PREP: variants seen among roughly 807,000 people sequenced by gnomAD.
The protein encoded by PREP is prolyl endopeptidase, also known as dJ355L5.1 (prolyl endopeptidase).
Under a neutral mutation model 87.6 loss-of-function variants are expected in PREP, and 29 were observed. The observed-to-expected ratio is 0.33, with a 90% CI of 0.25 to 0.45. The LOEUF (loss-of-function observed/expected upper bound fraction) is 0.45, where lower values mean the gene tolerates loss of function less well. Among genes scored for constraint, PREP ranks in the 20% least tolerant of loss-of-function variants. The pLI is 1.00. For synonymous variants in PREP, 337 were observed against 328.6 expected (o/e 1.03, Z -0.28); for missense variants, 695 against 886.5 (o/e 0.78, Z 2.74).
At chr6:105,280,928 A>G (rs1562184850) in intron 14 of PREP, 1 of 152,206 alleles carries the variant, frequency 6.6e-6, no homozygotes, top group Non-Finnish European at 1.5e-5. Context: ...CTTAATTTAG[A>G]AAAGGAAATC....
chr6:105,307,778 A>G (rs1206783732), intron 10 of PREP, among the ~76,000 whole-genome samples: 2 of 152,120 alleles, frequency 1.3e-5, no homozygotes, highest in Non-Finnish European at 2.9e-5. Context: ...ATGCCCAGCT[A>G]ATTTTTGTAT....
intron 2 of PREP, among the ~76,000 whole-genome samples, chr6:105,378,403 T>C (rs888430433): frequency 8.5e-5 from 13 of 152,224 alleles, no homozygotes; most frequent in African/African-American, 3.1e-4. Flanking sequence ...GAGGTTGCAG[T>C]GAGCCAAGAT....
chr6:105,383,944 C>T (rs1354083020), intron 2 of PREP, among the ~76,000 whole-genome samples: 1 of 152,174 alleles, frequency 6.6e-6, no homozygotes, highest in African/African-American at 2.4e-5. Context: ...CATATCCTCC[C>T]TCTCCTGAAT....
chr6:105,308,033 C>T (rs1417885430), intron 10 of PREP, among the ~76,000 whole-genome samples: 1 of 152,070 alleles, frequency 6.6e-6, no homozygotes, highest in African/African-American at 2.4e-5. Context: ...CTTTATGGGG[C>T]ACGGTGACTT....
chr6:105,285,557 C>T lies in PREP; in HGVS notation c.1478G>A (p.Arg493Lys), dbSNP rs1490501804. The T allele has an allele frequency of 1.9e-6, 3 of 1,614,100 alleles. No homozygotes were observed. The highest frequency in any genetic ancestry group is 2.5e-6 in the Non-Finnish European group (3 of 1,179,976). ...CACTGCCAGGATACCACCCATGTGT[C>T]TCACAAAAATAAGCCTGGAAACACT... is the stretch of plus-strand genomic sequence containing the variant. ...NYSVSRLIFV[R>K]HMGGILAVAN... Residue 493 changes from arginine to lysine, a missense_variant, in exon 12 of 15, where the codon AGA (arginine) becomes AAA (lysine). By Grantham distance (26) the Arg-to-Lys change is conservative. Around this residue, in one of 5 missense-constraint regions of PREP, gnomAD observed 517 missense variants for 620.3 expected, o/e 0.83. Transcript: ENST00000652536.
At chr6:105,295,562 C>G (rs529002212) in intron 10 of PREP, among the ~76,000 whole-genome samples, 2 of 152,056 alleles carry the variant, frequency 1.3e-5, no homozygotes, top group South Asian at 4.2e-4. Flanking sequence ...CCTATCCCCA[C>G]CCCTGCTCTT....
rs1203841262 is a variant in PREP, at chr6:105,402,847, G to A, written c.45C>T (p.Ala15=). ...QYPDVYRDET[A]VQDYHGHKIC... ...TCTGGGCGGAGGCAGAGATACTTAC[G>A]GCGGTCTCGTCGCGGTACACGTCGG... Residue 15 remains alanine (A), a splice_region_variant and synonymous_variant, in exon 1 of 15, where the codon GCC becomes GCT. Coordinates refer to ENST00000652536, the MANE Select transcript of PREP (RefSeq NM_002726.5). 3 of 1,544,868 alleles carry A rather than the reference G, an allele frequency of 1.9e-6. No individual in the cohort carries two copies. Among genetic ancestry groups the A allele is most frequent in the Non-Finnish European group, 1.7e-6 (2 of 1,143,668 alleles).
rs563972846 is a variant in PREP, at chr6:105,322,891, T to C, written c.1317+774A>G. The C allele has an allele frequency of 1.7e-5, 20 of 1,182,326 alleles. No individual in the cohort carries two copies. In the African/African-American group the frequency reaches 2.7e-4, roughly 16 times the overall value. The allele number at this position is 1,182,326 out of a possible 1,614,324, so 73.2% of individuals were successfully genotyped here. ...TAATGCCCTAGTTTCACAGAAACATTGTGGGGAACATCCAGCGCTCTTTAT... is the reference window on the plus strand; with the variant it reads ...TAATGCCCTAGTTTCACAGAAACATCGTGGGGAACATCCAGCGCTCTTTAT... On this transcript the variant is annotated intron_variant, in intron 10 of 14. Coordinates refer to ENST00000652536, the MANE Select transcript of PREP (RefSeq NM_002726.5).
chr6:105,285,652 A>C, intron 11 of PREP, 72 bp from the exon 12 acceptor site: 3 of 1,230,670 alleles, frequency 2.4e-6, no homozygotes, highest in Non-Finnish European at 3.6e-6. Context: ...TCTCCATCTC[A>C]AAAAAGTGTA....
rs76150446 is a variant in PREP, at chr6:105,369,438, A to G, written c.596-414T>C. Among the ~76,000 whole-genome samples, 215 of 152,384 alleles carry G rather than the reference A, an allele frequency of 1.4e-3. 1 individual carries two copies. Among genetic ancestry groups the G allele is most frequent in the African/African-American group, 4.7e-3 (194 of 41,588 alleles). On this transcript the variant is annotated intron_variant, in intron 5 of 14. Transcript: ENST00000652536. Reference sequence around the variant, plus strand: ...ATCCCAAACAAAATCCCAGAAACATATTTTGTGGATTGACAAACTGATTCT... The same window carrying G: ...ATCCCAAACAAAATCCCAGAAACATGTTTTGTGGATTGACAAACTGATTCT...
intron 10 of PREP, among the ~76,000 whole-genome samples, chr6:105,307,201 T>C (rs1770674223): frequency 6.6e-6 from 1 of 152,230 alleles, no homozygotes; most frequent in South Asian, 2.1e-4. Flanking sequence ...TCTAATATCA[T>C]GTTTTTAAAA....
At chr6:105,393,572 C>CA (rs1260009361) in intron 2 of PREP, among the ~76,000 whole-genome samples, 1 of 152,092 alleles carries the variant, frequency 6.6e-6, no homozygotes, top group Non-Finnish European at 1.5e-5. Flanking sequence ...TGTAAAGAAA[C>CA]AGAGGAGCAG....
intron 7 of PREP, among the ~76,000 whole-genome samples, chr6:105,351,488 G>C (rs1259291854): frequency 6.6e-6 from 1 of 152,162 alleles, no homozygotes; most frequent in African/African-American, 2.4e-5. Context: ...CTGGGTTGCA[G>C]GGGAAAGATA....
chr6:105,276,353 A>G lies in PREP; in HGVS notation c.*1791T>C, dbSNP rs183245892. ...GATATCTGAAGCTCACACACTACAC[A>G]CTGTATTTTCTGCTGTAAAGCAGAC... On this transcript the variant is annotated 3_prime_UTR_variant, in exon 15 of 15. Transcript: ENST00000652536. Among the ~76,000 whole-genome samples the G allele has an allele frequency of 2.0e-5, 3 of 150,292 alleles. No individual in the cohort carries two copies. The East Asian group carries it at 5.8e-4, about 29-fold the overall frequency.
At chr6:105,356,250 T>C (rs933247841) in intron 6 of PREP, among the ~76,000 whole-genome samples, 2 of 152,196 alleles carry the variant, frequency 1.3e-5, no homozygotes, top group African/African-American at 4.8e-5. Context: ...CAAAGGTTTG[T>C]TGGGTAAGGT....
intron 7 of PREP, among the ~76,000 whole-genome samples, chr6:105,345,631 T>C (rs1471695130): frequency 6.6e-6 from 1 of 151,676 alleles, no homozygotes; most frequent in Admixed American, 6.6e-5. Flanking sequence ...ATGCAAGGAG[T>C]GGTCAGGCAC....
Position 105,368,890 on chromosome 6 carries a change from A to G in PREP, c.717+13T>C. ...ACAGTCTTTGGGGGTAAAATTTCAC[A>G]GCTGTACAATACCTCAGCTCCACCC... On this transcript the variant is annotated intron_variant, in intron 6 of 14. Coordinates refer to ENST00000652536, the MANE Select transcript of PREP (RefSeq NM_002726.5). 1.2e-5 allele frequency: 19 copies of G among 1,613,622 alleles called. No homozygotes were observed. The highest frequency in any genetic ancestry group is 1.6e-5 in the Non-Finnish European group (19 of 1,179,704).
chr6:105,321,299 T>G (rs1412216380), intron 10 of PREP, among the ~76,000 whole-genome samples: 2 of 152,186 alleles, frequency 1.3e-5, no homozygotes, highest in African/African-American at 4.8e-5. Context: ...TTTTTATTCC[T>G]CCTATTACAG....
chr6:105,353,506 C>T (rs1333735015), intron 6 of PREP, among the ~76,000 whole-genome samples: 1 of 152,036 alleles, frequency 6.6e-6, no homozygotes, highest in Non-Finnish European at 1.5e-5. Flanking sequence ...CGCAGTGGTT[C>T]ACGCCTGTAA....
Sources: allele counts gnomAD v4.1 joint callset (sites outside exome capture counted in the v4.1 genomes callset), GRCh38; gene constraint gnomAD v4.1.1; regional missense constraint gnomAD v4.1.1; transcripts MANE v1.5; gene names NCBI Gene and HGNC (gene_info 2026-07-23, HGNC 2026-07-21).